The following AKAP19 variants were observed in gnomAD, a reference collection of about 807,000 sequenced individuals.
AKAP19 encodes A-kinase anchoring protein 19.
the AKAP19 span, among the ~76,000 whole-genome samples, chr2:190,158,523 T>C: frequency 0.013 from 1,994 of 152,370 alleles, 21 homozygotes; most frequent in Admixed American, 0.026. Context: ...ATTTATATAC[T>C]TTAAATGAAT....
the AKAP19 span, among the ~76,000 whole-genome samples, chr2:190,022,305 A>G: frequency 6.6e-6 from 1 of 152,170 alleles, no homozygotes; most frequent in Admixed American, 6.6e-5. Context: ...AAGATCATAT[A>G]CGGATTGGCA....
the AKAP19 span, among the ~76,000 whole-genome samples, chr2:190,065,296 C>A: frequency 1.3e-5 from 2 of 152,016 alleles, no homozygotes; most frequent in Non-Finnish European, 2.9e-5. Context: ...CTGGGTGAGG[C>A]ACTGAGGGGT....
the AKAP19 span, among the ~76,000 whole-genome samples, chr2:189,882,805 T>C: frequency 6.6e-6 from 1 of 151,808 alleles, no homozygotes; most frequent in Non-Finnish European, 1.5e-5. Flanking sequence ...GGGAGGTACA[T>C]AGCTTTTAAA....
chr2:190,040,328 A>C, the AKAP19 span, among the ~76,000 whole-genome samples: 1 of 152,170 alleles, frequency 6.6e-6, no homozygotes, highest in Non-Finnish European at 1.5e-5. Flanking sequence ...TCTTTGGAGA[A>C]GTATCTGTTC....
chr2:189,962,434 G>T, the AKAP19 span, among the ~76,000 whole-genome samples: 1 of 152,112 alleles, frequency 6.6e-6, no homozygotes, highest in African/African-American at 2.4e-5. Context: ...AACACTAAAG[G>T]CTAGAATTAA....
At chr2:190,183,674 T>C in the AKAP19 span, among the ~76,000 whole-genome samples, 18 of 152,272 alleles carry the variant, frequency 1.2e-4, no homozygotes, top group South Asian at 1.0e-3. Context: ...TTTGAATCTC[T>C]AGTCTCTTGA....
At chr2:190,110,244 T>C in the AKAP19 span, among the ~76,000 whole-genome samples, 1 of 152,228 alleles carries the variant, frequency 6.6e-6, no homozygotes, top group South Asian at 2.1e-4. Context: ...TGTAAAACTA[T>C]ATTGCAGTAA....
chr2:189,950,337 T>TG, the AKAP19 span, among the ~76,000 whole-genome samples: 3 of 149,756 alleles, frequency 2.0e-5, no homozygotes, highest in Non-Finnish European at 1.5e-5. Flanking sequence ...CTTTTTTGTT[T>TG]TTTTTTTTTG....
chr2:190,054,835 C>T, the AKAP19 span, among the ~76,000 whole-genome samples: 1 of 152,156 alleles, frequency 6.6e-6, no homozygotes, highest in African/African-American at 2.4e-5. Context: ...ACAACAGGTG[C>T]TGGAGAGGAT....
At chr2:190,046,141 G>A in the AKAP19 span, among the ~76,000 whole-genome samples, 1 of 151,362 alleles carries the variant, frequency 6.6e-6, no homozygotes, top group East Asian at 2.0e-4. Flanking sequence ...GTCCCAGCGT[G>A]AGTACCTGGA....
the AKAP19 span, among the ~76,000 whole-genome samples, chr2:190,091,634 T>C: frequency 6.6e-6 from 1 of 152,064 alleles, no homozygotes; most frequent in African/African-American, 2.4e-5. Context: ...CAAAGCCTAA[T>C]TGATTGTGTA....
chr2:190,107,420 A>T, the AKAP19 span, among the ~76,000 whole-genome samples: 5 of 150,720 alleles, frequency 3.3e-5, no homozygotes, highest in East Asian at 1.9e-4. Context: ...TGATTCCAGT[A>T]TTTTTTTTTT....
At chr2:190,111,691 A>G in the AKAP19 span, among the ~76,000 whole-genome samples, 1 of 151,682 alleles carries the variant, frequency 6.6e-6, no homozygotes. Flanking sequence ...AGAAAGAAAG[A>G]GAGAGATGTC....
chr2:190,062,602 T>G, the AKAP19 span: 1 of 1,610,304 alleles, frequency 6.2e-7, no homozygotes, highest in Non-Finnish European at 8.5e-7. Context: ...TGCATGATTT[T>G]AAAATCAATA....
the AKAP19 span, chr2:189,917,529 G>A: frequency 3.4e-6 from 2 of 581,054 alleles, no homozygotes; most frequent in Non-Finnish European, 6.1e-6. Flanking sequence ...TTTCTTTTTT[G>A]CACTTTGAAG....
chr2:190,156,410 C>T, the AKAP19 span, among the ~76,000 whole-genome samples: 3 of 152,038 alleles, frequency 2.0e-5, no homozygotes. Context: ...ACAAGACACA[C>T]ATAATTTCCA....
chr2:189,974,593 A>G, the AKAP19 span, among the ~76,000 whole-genome samples: 20 of 152,254 alleles, frequency 1.3e-4, no homozygotes, highest in Non-Finnish European at 2.4e-4. Context: ...AAAGTCTCCC[A>G]TTATTATTGT....
chr2:190,150,691 C>G, the AKAP19 span, among the ~76,000 whole-genome samples: 1,802 of 151,894 alleles, frequency 0.012, 32 homozygotes, highest in African/African-American at 0.041. Flanking sequence ...CTGCTCTGTC[C>G]GGAGCTGCAA....
the AKAP19 span, among the ~76,000 whole-genome samples, chr2:189,960,737 G>T: frequency 3.3e-5 from 5 of 152,024 alleles, no homozygotes; most frequent in Non-Finnish European, 7.4e-5. Context: ...TCTTGAGTGA[G>T]ATCTGCCATG....
Sources: allele counts gnomAD v4.1 joint callset (sites outside exome capture counted in the v4.1 genomes callset), GRCh38; gene constraint gnomAD v4.1.1; transcripts MANE v1.5; gene names NCBI Gene and HGNC (gene_info 2026-07-23, HGNC 2026-07-21).